ARMC6: variants seen among roughly 807,000 people sequenced by gnomAD.
ARMC6 encodes the protein armadillo repeat-containing protein 6.
A neutral mutation model predicts 49.2 loss-of-function variants in ARMC6; 43 were observed. The ratio of observed to expected loss-of-function variants is 0.87; its 90% CI spans 0.69 to 1.13. ARMC6 has a LOEUF of 1.13. Among genes scored for constraint, ARMC6 ranks in the 50% most tolerant of loss-of-function variants. ARMC6 has a pLI of 0.00. For missense variants in ARMC6, 627 were observed against 682.0 expected (o/e 0.92, Z 0.90); for synonymous variants, 262 against 289.6 (o/e 0.90, Z 0.97).
At chr19:19,042,593 G>A (rs770504894) in intron 2 of ARMC6, 118 bp from the exon 3 acceptor site, 1 of 965,138 alleles carries the variant, frequency 1.0e-6, no homozygotes, top group Non-Finnish European at 1.6e-6. Context: ...TTTCTCCAGG[G>A]TGGTTGTAGG....
Position 19,051,915 on chromosome 19 carries a change from G to A in ARMC6, c.573G>A (p.Glu191=). The change falls in exon 5 of 9, where the codon GAG becomes GAA. Residue 191 remains glutamate, a synonymous_variant. Transcript: ENST00000535612. ...LVATLTQNAD[E]ADLTCSGIRC... ...CCACGCTGACCCAGAATGCTGATGA[G>A]GCTGACCTGACCTGCTCTGGGATCC... is the stretch of plus-strand genomic sequence containing the variant. The A allele has an allele frequency of 3.1e-6, 5 of 1,614,156 alleles. No homozygotes were observed. Among genetic ancestry groups the A allele is most frequent in the South Asian group, 1.1e-5 (1 of 91,090 alleles).
At chr19:19,051,496 CCACAT>C in intron 4 of ARMC6, 121 bp from the exon 5 acceptor site, 1 of 882,052 alleles carries the variant, frequency 1.1e-6, no homozygotes, top group East Asian at 2.5e-5. Flanking sequence ...GTAACTTGCC[CCACAT>C]CACTTCCACT....
chr19:19,048,217 G>A (rs1338214518), intron 4 of ARMC6, among the ~76,000 whole-genome samples: 1 of 152,086 alleles, frequency 6.6e-6, no homozygotes, highest in East Asian at 1.9e-4. Flanking sequence ...ATGGTGGCAG[G>A]TGCCTGTAAC....
In ARMC6 at chr19:19,051,719, C is replaced by G. The variant is rs1244152667; in HGVS notation, c.377C>G (p.Ala126Gly). The G allele has an allele frequency of 1.9e-6, 3 of 1,614,010 alleles. No homozygotes were observed. Among genetic ancestry groups the G allele is most frequent in the Non-Finnish European group, 2.5e-6 (3 of 1,180,044 alleles). The change falls in exon 5 of 9, where the codon GCC becomes GGC. Residue 126 changes from alanine to glycine, a missense_variant. By Grantham distance (60) the Ala-to-Gly change is moderately conservative. Transcript: ENST00000535612. Reference protein sequence around the residue: ...RFCDQCKQDKACRFLAAQKGA... With the variant: ...RFCDQCKQDKGCRFLAAQKGA... ...TGCGACCAGTGCAAACAGGACAAGG[C>G]CTGCCGCTTCCTCGCGGCCCAGAAG...
rs144336350 is a variant in ARMC6, at chr19:19,052,237, C to T, written c.853+42C>T. 8.2e-5 allele frequency: 125 copies of T among 1,525,534 alleles called. No individual in the cohort carries two copies. The East Asian group carries it at 2.3e-3, about 29-fold the overall frequency. 94.5% of individuals were successfully genotyped at this position (1,525,534 alleles called of 1,614,324 possible). A position where few individuals can be genotyped will look rare whatever the true frequency, so the allele number is the denominator to read the frequency against. The stretch of plus-strand genomic sequence containing the variant: ...GACACGAGCCAGCGAACAAAGTGGG[C>T]GGGTCAGATGTGACCAGAGTGAGGG... On this transcript the variant is annotated intron_variant, in intron 5 of 8. Coordinates refer to ENST00000535612, the MANE Select transcript of ARMC6 (RefSeq NM_001199196.2).
intron 4 of ARMC6, among the ~76,000 whole-genome samples, chr19:19,046,927 G>GTTTT (rs386388691): frequency 0.57 from 59,191 of 103,718 alleles, 16,623 homozygotes; most frequent in East Asian, 0.78. Context: ...ATGCTCACCT[G>GTTTT]TTTTTTTTTT....
intron 4 of ARMC6, among the ~76,000 whole-genome samples, chr19:19,045,841 C>T (rs1015547413): frequency 8.5e-5 from 13 of 152,058 alleles, no homozygotes; most frequent in African/African-American, 1.9e-4. Context: ...TTAGTAGAGA[C>T]GAGGTTTCAC....
chr19:19,055,450 T>A lies in ARMC6; in HGVS notation c.1155+54T>A. The A allele has an allele frequency of 6.5e-7, 1 of 1,540,992 alleles. No individual in the cohort carries two copies. Reference sequence around the variant, plus strand: ...GCAGGGTGGTGGCTGGAGTCCCAGTTCAGTTTCTGTATCTGCATGAAGCTC... The same window carrying A: ...GCAGGGTGGTGGCTGGAGTCCCAGTACAGTTTCTGTATCTGCATGAAGCTC... On this transcript the variant is annotated intron_variant, in intron 7 of 8. Coordinates refer to ENST00000535612, the MANE Select transcript of ARMC6 (RefSeq NM_001199196.2). The surrounding 1 kb of genome is among the most constrained non-coding windows in gnomAD (Gnocchi z 5.7).
intron 2 of ARMC6, among the ~76,000 whole-genome samples, chr19:19,034,453 A>C (rs1449717791): frequency 6.6e-6 from 1 of 152,088 alleles, no homozygotes; most frequent in African/African-American, 2.4e-5. Context: ...TGAGCACGTG[A>C]GTGAGGTGGA....
At chr19:19,040,015 C>T (rs755571364) in intron 2 of ARMC6, among the ~76,000 whole-genome samples, 1 of 152,202 alleles carries the variant, frequency 6.6e-6, no homozygotes, top group Non-Finnish European at 1.5e-5. Context: ...CTCAGTTCCT[C>T]AGCCACACTG....
At chr19:19,036,209 C>T (rs1408873401) in intron 2 of ARMC6, among the ~76,000 whole-genome samples, 1 of 152,126 alleles carries the variant, frequency 6.6e-6, no homozygotes, top group African/African-American at 2.4e-5. Flanking sequence ...TTACAGGCGC[C>T]CACTACCACG....
At chr19:19,036,624 C>T (rs150702600) in intron 2 of ARMC6, among the ~76,000 whole-genome samples, 1 of 152,192 alleles carries the variant, frequency 6.6e-6, no homozygotes. Flanking sequence ...TCACCTTTAA[C>T]CTTGGAAATC....
At chr19:19,042,979 A>G (rs1008318229) in intron 3 of ARMC6, 102 bp downstream of exon 3, 12 of 1,429,210 alleles carry the variant, frequency 8.4e-6, no homozygotes, top group Non-Finnish European at 1.1e-5. Flanking sequence ...CATGCCTGGC[A>G]TAGAAACCAG....
In ARMC6 at chr19:19,057,983, G is replaced by T. The variant is rs1599654373; in HGVS notation, c.*355G>T. 5 of 377,414 alleles carry T rather than the reference G, an allele frequency of 1.3e-5. No homozygotes were observed. Among genetic ancestry groups the T allele is most frequent in the African/African-American group, 2.1e-5 (1 of 47,978 alleles). The allele number at this position is 377,414 out of a possible 1,614,324, so 23.4% of individuals were successfully genotyped here. On this transcript the variant is annotated 3_prime_UTR_variant, in exon 9 of 9. Coordinates refer to ENST00000535612, the MANE Select transcript of ARMC6 (RefSeq NM_001199196.2). ...CACTGTGGGCCAGGCTCAGGGCAGG[G>T]CAGGCGATTCCAGTGGGGTTGGGCC... is the stretch of plus-strand genomic sequence containing the variant.
chr19:19,047,993 A>G (rs2059465289), intron 4 of ARMC6, among the ~76,000 whole-genome samples: 1 of 151,922 alleles, frequency 6.6e-6, no homozygotes, highest in Non-Finnish European at 1.5e-5. Flanking sequence ...GTCGGATTGC[A>G]TCGAGCTGAG....
chr19:19,036,126 A>G (rs1202958290), intron 2 of ARMC6, among the ~76,000 whole-genome samples: 1 of 152,142 alleles, frequency 6.6e-6, no homozygotes, highest in African/African-American at 2.4e-5. Flanking sequence ...CAATGGCGCA[A>G]TCTTGGCTCA....
At chr19:19,052,234 G>A (rs1178170119) in intron 5 of ARMC6, 39 bp downstream of exon 5, 1 of 1,532,862 alleles carries the variant, frequency 6.5e-7, no homozygotes, top group East Asian at 2.3e-5. Flanking sequence ...CGAACAAAGT[G>A]GGCGGGTCAG....
At chr19:19,040,577 C>G (rs1410162901) in intron 2 of ARMC6, 1 of 241,902 alleles carries the variant, frequency 4.1e-6, no homozygotes. Flanking sequence ...CCACTCCCTG[C>G]CAAGAGCTGG....
At chr19:19,056,082 G>A in intron 8 of ARMC6, 154 bp downstream of exon 8, 1 of 770,390 alleles carries the variant, frequency 1.3e-6, no homozygotes, top group Non-Finnish European at 1.8e-6. Context: ...CCACAGCCGA[G>A]CCCCATAGGG....
Sources: allele counts gnomAD v4.1 joint callset (sites outside exome capture counted in the v4.1 genomes callset), GRCh38; gene constraint gnomAD v4.1.1; non-coding constraint Gnocchi (gnomAD v3.1); transcripts MANE v1.5; gene names NCBI Gene and HGNC (gene_info 2026-07-23, HGNC 2026-07-21).